Variants in LOC128462377 observed in about 807,000 individuals in gnomAD.
the LOC128462377 span, among the ~76,000 whole-genome samples, chr16:89,394,266 A>G: frequency 6.6e-6 from 1 of 152,214 alleles, no homozygotes; most frequent in Non-Finnish European, 1.5e-5. Context: ...TGTCCCTGGA[A>G]AGCAGCCGTC....
chr16:89,324,233 C>CA, the LOC128462377 span: 32 of 1,201,920 alleles, frequency 2.7e-5, no homozygotes, highest in African/African-American at 3.2e-5. Flanking sequence ...CTTTGCCCCT[C>CA]AGACACATGC....
chr16:89,351,206 G>C, the LOC128462377 span, among the ~76,000 whole-genome samples: 1 of 152,240 alleles, frequency 6.6e-6, no homozygotes, highest in East Asian at 1.9e-4. Context: ...GGCGGCAGCT[G>C]GTGGTGGGCA....
chr16:89,333,923 C>G, the LOC128462377 span, among the ~76,000 whole-genome samples: 1 of 152,038 alleles, frequency 6.6e-6, no homozygotes, highest in African/African-American at 2.4e-5. Context: ...TACTTTCTCA[C>G]CACTGGAAGC....
chr16:89,340,815 G>C, the LOC128462377 span, among the ~76,000 whole-genome samples: 2 of 152,192 alleles, frequency 1.3e-5, no homozygotes, highest in Non-Finnish European at 2.9e-5. Flanking sequence ...CACAGAAAAT[G>C]TACAGGTATG....
At chr16:89,372,472 CTG>C in the LOC128462377 span, among the ~76,000 whole-genome samples, 1 of 152,184 alleles carries the variant, frequency 6.6e-6, no homozygotes, top group Non-Finnish European at 1.5e-5. Context: ...CACTGAGTCA[CTG>C]TGAGAAGAGC....
At chr16:89,360,898 A>C in the LOC128462377 span, among the ~76,000 whole-genome samples, 1 of 152,206 alleles carries the variant, frequency 6.6e-6, no homozygotes, top group Non-Finnish European at 1.5e-5. Flanking sequence ...ACCTCAACAG[A>C]ATCCACGGTC....
chr16:89,415,779 G>A, the LOC128462377 span, among the ~76,000 whole-genome samples: 1 of 131,604 alleles, frequency 7.6e-6, no homozygotes, highest in African/African-American at 2.9e-5. Flanking sequence ...AGTGAGCCGA[G>A]ATTGCACCAC....
At chr16:89,330,886 G>A in the LOC128462377 span, among the ~76,000 whole-genome samples, 1 of 152,144 alleles carries the variant, frequency 6.6e-6, no homozygotes, top group African/African-American at 2.4e-5. Flanking sequence ...TAATTTGACT[G>A]TACAGTTCTA....
chr16:89,356,049 C>T, the LOC128462377 span, among the ~76,000 whole-genome samples: 1 of 152,198 alleles, frequency 6.6e-6, no homozygotes, highest in East Asian at 1.9e-4. Flanking sequence ...CCCCTGCACT[C>T]CAGCCTGGGC....
At chr16:89,326,520 G>A in the LOC128462377 span, among the ~76,000 whole-genome samples, 1 of 152,100 alleles carries the variant, frequency 6.6e-6, no homozygotes, top group African/African-American at 2.4e-5. Context: ...CAAGGCAGGG[G>A]GGTCATTTGG....
the LOC128462377 span, among the ~76,000 whole-genome samples, chr16:89,335,237 G>A: frequency 2.6e-3 from 403 of 152,224 alleles, no homozygotes; most frequent in African/African-American, 8.9e-3. Context: ...TGGGAGACGC[G>A]GGTGACAGCC....
the LOC128462377 span, among the ~76,000 whole-genome samples, chr16:89,327,140 A>G: frequency 1.3e-5 from 2 of 151,306 alleles, no homozygotes; most frequent in Non-Finnish European, 2.9e-5. Context: ...TACACTTCTG[A>G]TGACAGCGAA....
chr16:89,328,735 C>T, the LOC128462377 span, among the ~76,000 whole-genome samples: 1 of 143,574 alleles, frequency 7.0e-6, no homozygotes, highest in Non-Finnish European at 1.5e-5. Context: ...AGTGGACATA[C>T]CCAGGAGCAC....
chr16:89,391,143 G>A, the LOC128462377 span, among the ~76,000 whole-genome samples: 1 of 151,730 alleles, frequency 6.6e-6, no homozygotes. Flanking sequence ...CAGGAGAATG[G>A]TGTGAACCCG....
the LOC128462377 span, among the ~76,000 whole-genome samples, chr16:89,338,424 T>TAAAAA: frequency 7.9e-6 from 1 of 127,040 alleles, no homozygotes. Context: ...TACACTCTGT[T>TAAAAA]AAAAAAAAAA....
chr16:89,335,014 G>A, the LOC128462377 span, among the ~76,000 whole-genome samples: 8 of 152,142 alleles, frequency 5.3e-5, no homozygotes, highest in African/African-American at 7.2e-5. Context: ...GAGCTCTATC[G>A]TATGTGCACC....
chr16:89,381,883 C>T, the LOC128462377 span, among the ~76,000 whole-genome samples: 1 of 152,248 alleles, frequency 6.6e-6, no homozygotes, highest in Non-Finnish European at 1.5e-5. Flanking sequence ...ACAGGCCACT[C>T]ACGTGGTGAC....
chr16:89,369,866 T>C, the LOC128462377 span, among the ~76,000 whole-genome samples: 1 of 152,220 alleles, frequency 6.6e-6, no homozygotes, highest in African/African-American at 2.4e-5. Flanking sequence ...TACAAGGGAC[T>C]GCTCCCTGTT....
chr16:89,378,738 C>T, the LOC128462377 span, among the ~76,000 whole-genome samples: 3 of 152,176 alleles, frequency 2.0e-5, no homozygotes, highest in Non-Finnish European at 4.4e-5. Flanking sequence ...TGCCACCATG[C>T]CTGGCTAATT....
Sources: allele counts gnomAD v4.1 joint callset (sites outside exome capture counted in the v4.1 genomes callset), GRCh38; gene constraint gnomAD v4.1.1; transcripts MANE v1.5.